TMEM59: variants seen among roughly 807,000 people sequenced by gnomAD.
TMEM59 encodes transmembrane protein 59.
Under a neutral mutation model 42.2 loss-of-function variants are expected in TMEM59, and 44 were observed. The observed-to-expected ratio is 1.04, with a 90% CI of 0.82 to 1.34. The LOEUF (loss-of-function observed/expected upper bound fraction) is 1.34, where lower values mean the gene tolerates loss of function less well. Ranked by LOEUF, TMEM59 falls within the 40% of genes most tolerant of loss-of-function variation. TMEM59 has a pLI of 0.00. For missense variants in TMEM59, 359 were observed against 382.8 expected (o/e 0.94, Z 0.52); for synonymous variants, 148 against 145.8 (o/e 1.02, Z -0.11).
rs1434693871 is a variant in TMEM59 at position 54,047,306 on chromosome 1, C to T, written c.256G>A (p.Gly86Arg). Reference sequence around the variant, plus strand: ...AATTTAGTTCGATTTAAGTCAATTCCATCATCCACAAACTGACAAATTGAA... The same window carrying T: ...AATTTAGTTCGATTTAAGTCAATTCTATCATCCACAAACTGACAAATTGAA... ...LFSICQFVDD[G>R]IDLNRTKLEC... The change falls in exon 2 of 8, where the codon GGA becomes AGA. Residue 86 changes from glycine to arginine, a missense_variant. Physicochemically the swap from Gly to Arg is moderately radical, Grantham distance 125. Coordinates refer to ENST00000234831, the MANE Select transcript of TMEM59 (RefSeq NM_004872.5). The T allele has an allele frequency of 6.2e-7, 1 of 1,613,896 alleles. No homozygotes were observed. Among genetic ancestry groups the T allele is most frequent in the African/African-American group, 1.3e-5 (1 of 75,022 alleles).
At position 54,028,502 on chromosome 1, in the gene TMEM59, A is replaced by T. The variant is rs1235097391; in HGVS notation, c.*3648T>A. ...TGCAGGTTTAAAGTGCAGGTTTATTACCTGGTCTGCCTAGCCCCATCTTTT... is the reference window on the plus strand; with the variant it reads ...TGCAGGTTTAAAGTGCAGGTTTATTTCCTGGTCTGCCTAGCCCCATCTTTT... On this transcript the variant is annotated 3_prime_UTR_variant, in exon 8 of 8. Transcript: ENST00000234831. 6.6e-6 allele frequency: 1 copy of T among 152,128 alleles called. No individual in the cohort carries two copies. The highest frequency in any genetic ancestry group is 6.6e-5 in the Admixed American group (1 of 15,252). 9.4% of individuals were successfully genotyped at this position (152,128 alleles called of 1,614,324 possible). A position where few individuals can be genotyped will look rare whatever the true frequency, so the allele number is the denominator to read the frequency against.
chr1:54,052,949 G>A (rs138316868), intron 1 of TMEM59, 51 bp downstream of exon 1: 5 of 1,561,898 alleles, frequency 3.2e-6, no homozygotes, highest in Non-Finnish European at 4.3e-6. Context: ...GTGGGGAGCC[G>A]AGAAATGGGC....
chr1:54,049,691 T>TAAA (rs1657463102), intron 1 of TMEM59, among the ~76,000 whole-genome samples: 2 of 152,168 alleles, frequency 1.3e-5, no homozygotes, highest in Non-Finnish European at 2.9e-5. Flanking sequence ...TCAATGGTAC[T>TAAA]ATTTAGGCCA....
At chr1:54,037,479 A>G (rs1285472806) in intron 6 of TMEM59, among the ~76,000 whole-genome samples, 1 of 152,224 alleles carries the variant, frequency 6.6e-6, no homozygotes, top group Non-Finnish European at 1.5e-5. Context: ...TCCCACCTGG[A>G]GTTTTTTTCA....
chr1:54,032,970 G>T (rs1316600014), intron 7 of TMEM59, among the ~76,000 whole-genome samples: 1 of 150,598 alleles, frequency 6.6e-6, no homozygotes, highest in African/African-American at 2.4e-5. Flanking sequence ...CTGTTACCCA[G>T]GCTGGAGTGC....
intron 4 of TMEM59, 82 bp downstream of exon 4, chr1:54,043,291 G>A (rs1657205069): frequency 3.4e-6 from 4 of 1,189,750 alleles, no homozygotes; most frequent in Non-Finnish European, 4.4e-6. Flanking sequence ...ACTGAGTATG[G>A]TTCTATGCTG....
chr1:54,045,516 C>A, intron 3 of TMEM59, 176 bp downstream of exon 3: 1 of 564,464 alleles, frequency 1.8e-6, no homozygotes, highest in Non-Finnish European at 3.2e-6. Flanking sequence ...AATAGTAAAG[C>A]ATTATACAAA....
chr1:54,045,876 TA>T (rs1283224171), intron 2 of TMEM59, 90 bp from the exon 3 acceptor site: 12 of 1,190,618 alleles, frequency 1.0e-5, no homozygotes, highest in Non-Finnish European at 1.4e-5. Flanking sequence ...AAAAAATTTT[TA>T]TACTTAAAAA....
At position 54,041,721 on chromosome 1, in the gene TMEM59, T is replaced by C; in HGVS notation, c.625+3A>G. The C allele has an allele frequency of 1.2e-6, 2 of 1,612,102 alleles. No individual in the cohort carries two copies. The highest frequency in any genetic ancestry group is 8.5e-7 in the Non-Finnish European group (1 of 1,178,476). ...TATCTAAGCTACTTAAAATAAAACT[T>C]ACAGGACATTTTGCTTAGAGATGAT... On this transcript the variant is annotated splice_donor_region_variant and intron_variant, in intron 5 of 7. Coordinates refer to ENST00000234831, the MANE Select transcript of TMEM59 (RefSeq NM_004872.5).
intron 1 of TMEM59, 45 bp downstream of exon 1, chr1:54,052,955 T>C: frequency 6.4e-7 from 1 of 1,566,720 alleles, no homozygotes; most frequent in African/African-American, 1.4e-5. Context: ...AGCCGAGAAA[T>C]GGGCTGCAAG....
rs1657423273 is a variant in TMEM59 at position 54,048,604 on chromosome 1, G to A, written c.190-1232C>T. The A allele has an allele frequency of 1.8e-5, 7 of 387,956 alleles. No homozygotes were observed. In the Admixed American group the frequency reaches 2.5e-4, roughly 14 times the overall value. 24.0% of individuals were successfully genotyped at this position (387,956 alleles called of 1,614,324 possible). On this transcript the variant is annotated intron_variant, in intron 1 of 7. Transcript: ENST00000234831. ...GCTGTTTTTCTTTGATAAAATAAAA[G>A]TATTTAAAAAAAGCTATTGCATATG...
At position 54,032,231 on chromosome 1, in the gene TMEM59, C is replaced by CA; in HGVS notation, c.890dup (p.Val298GlyfsTer3). Reference sequence around the variant, plus strand: ...GATCTTCAGTTTTAGATCTAACAACCACAAGAGAAGAAGCTGGATATCTGT... The same window carrying CA: ...GATCTTCAGTTTTAGATCTAACAACCAACAAGAGAAGAAGCTGGATATCTGT... On this transcript the variant is annotated frameshift_variant, in exon 8 of 8. Coordinates refer to ENST00000234831, the MANE Select transcript of TMEM59 (RefSeq NM_004872.5). LOFTEE classifies it high-confidence loss of function. 6.2e-7 allele frequency: 1 copy of CA among 1,613,296 alleles called. No homozygotes were observed. The highest frequency in any genetic ancestry group is 8.5e-7 in the Non-Finnish European group (1 of 1,179,636).
intron 6 of TMEM59, among the ~76,000 whole-genome samples, chr1:54,038,957 A>C (rs1336393042): frequency 6.6e-6 from 1 of 152,132 alleles, no homozygotes; most frequent in Non-Finnish European, 1.5e-5. Flanking sequence ...TGATTCTCCC[A>C]CCTCAGCCTC....
At chr1:54,041,502 ATCT>A (rs912147089) in intron 5 of TMEM59, among the ~76,000 whole-genome samples, 33 of 152,230 alleles carry the variant, frequency 2.2e-4, no homozygotes, top group African/African-American at 7.7e-4. Context: ...AAATTCTCAG[ATCT>A]TCTCCCAGAC....
intron 6 of TMEM59, among the ~76,000 whole-genome samples, chr1:54,040,204 G>A (rs1657089996): frequency 6.6e-6 from 1 of 152,134 alleles, no homozygotes; most frequent in Non-Finnish European, 1.5e-5. Flanking sequence ...CTAGGCTGGA[G>A]TGCTGTGGCG....
In TMEM59 at chr1:54,029,951, T is replaced by C. The variant is rs557133734; in HGVS notation, c.*2199A>G. Reference sequence around the variant, plus strand: ...AAGAGGAGACAAATATTTGAGTGCCTGCTAAATATCAAGAATGTCTTGGTA... The same window carrying C: ...AAGAGGAGACAAATATTTGAGTGCCCGCTAAATATCAAGAATGTCTTGGTA... On this transcript the variant is annotated 3_prime_UTR_variant, in exon 8 of 8. Transcript: ENST00000234831. 7.9e-5 allele frequency: 12 copies of C among 152,282 alleles called. No homozygotes were observed. The highest frequency in any genetic ancestry group is 1.3e-4 in the Admixed American group (2 of 15,286). The allele number at this position is 152,282 out of a possible 1,614,324, so 9.4% of individuals were successfully genotyped here. A position where few individuals can be genotyped will look rare whatever the true frequency, so the allele number is the denominator to read the frequency against.
rs1656615604 is a variant in TMEM59 at position 54,026,869 on chromosome 1, A to T, written c.*5281T>A. ...TTTTTTTCCACCCAAGTCTTCAATT[A>T]TTACTGTTCTAACACTGCAAAAACC... On this transcript the variant is annotated 3_prime_UTR_variant, in exon 8 of 8. Transcript: ENST00000234831. 6.6e-6 allele frequency: 1 copy of T among 152,228 alleles called. No homozygotes were observed. The highest frequency in any genetic ancestry group is 1.5e-5 in the Non-Finnish European group (1 of 68,034). The allele number at this position is 152,228 out of a possible 1,614,324, so 9.4% of individuals were successfully genotyped here.
intron 1 of TMEM59, chr1:54,048,662 T>C: frequency 2.2e-6 from 1 of 454,390 alleles, no homozygotes; most frequent in Non-Finnish European, 4.6e-6. Context: ...TGTGATCCAC[T>C]GTGTACAAAC....
At chr1:54,042,059 T>G (rs962731460) in intron 4 of TMEM59, among the ~76,000 whole-genome samples, 3 of 151,090 alleles carry the variant, frequency 2.0e-5, no homozygotes, top group South Asian at 2.1e-4. Context: ...TTGTTTTGTT[T>G]TTTTTTTTTT....
Sources: gnomAD v4.1 joint callset for allele counts (sites outside exome capture counted in the v4.1 genomes callset) on GRCh38, gnomAD v4.1.1 for gene constraint, MANE v1.5 for transcripts, NCBI Gene and HGNC (gene_info 2026-07-23, HGNC 2026-07-21) for gene names.